SAMD5: variants seen among roughly 807,000 people sequenced by gnomAD.
SAMD5 encodes sterile alpha motif domain containing 5.
Under a neutral mutation model 11.3 loss-of-function variants are expected in SAMD5, and 13 were observed. The ratio of observed to expected loss-of-function variants is 1.15; its 90% CI spans 0.75 to 1.83. The LOEUF is 1.83. SAMD5 is among the 40% of genes most tolerant of loss of function. SAMD5 has a pLI of 0.00. For synonymous variants in SAMD5, 129 were observed against 111.3 expected (o/e 1.16, Z -1.00); for missense variants, 255 against 239.1 (o/e 1.07, Z -0.44).
the SAMD5 span, among the ~76,000 whole-genome samples, chr6:147,794,665 G>A: frequency 6.6e-6 from 1 of 151,988 alleles, no homozygotes; most frequent in Non-Finnish European, 1.5e-5. Flanking sequence ...TTGATTATTC[G>A]AGTTCATATG....
the SAMD5 span, among the ~76,000 whole-genome samples, chr6:147,857,855 C>T: frequency 6.6e-6 from 1 of 152,078 alleles, no homozygotes; most frequent in Non-Finnish European, 1.5e-5. Context: ...TTTTGGATAC[C>T]ACTGCCCTTA....
intron 1 of SAMD5, among the ~76,000 whole-genome samples, chr6:147,694,237 A>G (rs71566494): frequency 0.02 from 3,000 of 152,292 alleles, 40 homozygotes; most frequent in Admixed American, 0.03. Context: ...TGTGATAACA[A>G]TTAACCTATC....
intron 1 of SAMD5, among the ~76,000 whole-genome samples, chr6:147,540,120 G>A (rs1583073940): frequency 6.6e-6 from 1 of 151,906 alleles, no homozygotes; most frequent in South Asian, 2.1e-4. Flanking sequence ...GATTTAGAAT[G>A]TCCCCCAGGG....
the SAMD5 span, among the ~76,000 whole-genome samples, chr6:147,951,306 C>A: frequency 6.6e-6 from 1 of 151,928 alleles, no homozygotes; most frequent in Non-Finnish European, 1.5e-5. Flanking sequence ...CTCAGCCTCC[C>A]ACGTAGCTGG....
At chr6:147,808,358 C>T in the SAMD5 span, among the ~76,000 whole-genome samples, 1 of 152,266 alleles carries the variant, frequency 6.6e-6, no homozygotes, top group Non-Finnish European at 1.5e-5. Flanking sequence ...GCTGCCATGC[C>T]TAGCTAATTT....
At chr6:147,674,495 T>C (rs996767674) in intron 1 of SAMD5, among the ~76,000 whole-genome samples, 1 of 152,156 alleles carries the variant, frequency 6.6e-6, no homozygotes, top group African/African-American at 2.4e-5. Context: ...GCGGGCATTC[T>C]CTAATCTGAG....
At chr6:147,629,306 C>T (rs921242775) in intron 1 of SAMD5, among the ~76,000 whole-genome samples, 1 of 133,782 alleles carries the variant, frequency 7.5e-6, no homozygotes, top group African/African-American at 2.6e-5. Context: ...AGCAAAGCTC[C>T]ATCCAAAAAA....
rs1239306244 is a variant in SAMD5 at position 147,517,868 on chromosome 6, G to A, written c.459+8481G>A. Among the ~76,000 whole-genome samples the A allele has an allele frequency of 2.6e-5, 4 of 151,350 alleles. 1 individual carries two copies. Among genetic ancestry groups the A allele is most frequent in the Non-Finnish European group, 5.9e-5 (4 of 67,900 alleles). Reference sequence around the variant, plus strand: ...AATGTAATCTTGGCAACAAAATAATGAGGTGTTTTTTTTTTTTGGTATGAC... The same window carrying A: ...AATGTAATCTTGGCAACAAAATAATAAGGTGTTTTTTTTTTTTGGTATGAC... On this transcript the variant is annotated intron_variant, in intron 1 of 1. Coordinates refer to ENST00000367474, the MANE Select transcript of SAMD5 (RefSeq NM_001030060.3).
intron 1 of SAMD5, among the ~76,000 whole-genome samples, chr6:147,685,420 C>T (rs968533340): frequency 2.0e-5 from 3 of 152,164 alleles, no homozygotes; most frequent in African/African-American, 7.2e-5. Context: ...GTAATCCACC[C>T]ACCTCAGCCT....
chr6:147,577,071 A>G (rs1282997489), intron 1 of SAMD5, among the ~76,000 whole-genome samples: 1 of 152,256 alleles, frequency 6.6e-6, no homozygotes, highest in East Asian at 1.9e-4. Flanking sequence ...AGGCAGCTTC[A>G]TACCAATGCC....
the SAMD5 span, among the ~76,000 whole-genome samples, chr6:147,793,283 C>G: frequency 6.6e-6 from 1 of 152,088 alleles, no homozygotes; most frequent in Non-Finnish European, 1.5e-5. Flanking sequence ...TCAGATAAAT[C>G]CCAACTGAGG....
At chr6:147,671,607 G>A (rs1489794270) in intron 1 of SAMD5, among the ~76,000 whole-genome samples, 1 of 152,110 alleles carries the variant, frequency 6.6e-6, no homozygotes, top group Non-Finnish European at 1.5e-5. Flanking sequence ...GTTTCCTAGT[G>A]GGTCTTTGGT....
At chr6:147,534,227 T>C (rs912355779) in intron 1 of SAMD5, among the ~76,000 whole-genome samples, 8 of 152,196 alleles carry the variant, frequency 5.3e-5, no homozygotes, top group African/African-American at 1.9e-4. Context: ...AGCCTGAGTT[T>C]TCTGCTGGGT....
chr6:147,873,015 C>T, the SAMD5 span, among the ~76,000 whole-genome samples: 1 of 152,186 alleles, frequency 6.6e-6, no homozygotes, highest in Non-Finnish European at 1.5e-5. Context: ...CTGAATTGAT[C>T]TATGCCTTGG....
chr6:147,664,587 C>T (rs1218377130), intron 1 of SAMD5, among the ~76,000 whole-genome samples: 3 of 152,114 alleles, frequency 2.0e-5, no homozygotes, highest in African/African-American at 7.2e-5. Context: ...TGCTAATATT[C>T]AGCAAATAAC....
At chr6:147,706,888 A>G (rs1027796720) in intron 1 of SAMD5, among the ~76,000 whole-genome samples, 5 of 152,240 alleles carry the variant, frequency 3.3e-5, no homozygotes, top group African/African-American at 1.2e-4. Context: ...AATCGTCTGC[A>G]TAAATCCATG....
chr6:147,692,281 T>A (rs1194857640), intron 1 of SAMD5: 1 of 152,190 alleles, frequency 6.6e-6, no homozygotes, highest in African/African-American at 2.4e-5. Flanking sequence ...GTGTTGTAAA[T>A]CTTAAATCCC....
downstream of SAMD5, among the ~76,000 whole-genome samples, chr6:147,738,925 C>T (rs1406323689): frequency 6.6e-6 from 1 of 152,204 alleles, no homozygotes; most frequent in Admixed American, 6.5e-5. Context: ...CACACCCCCA[C>T]CCACGAGCAG....
chr6:147,633,629 C>T (rs1040215274), intron 1 of SAMD5, among the ~76,000 whole-genome samples: 1 of 151,620 alleles, frequency 6.6e-6, no homozygotes, highest in Admixed American at 6.6e-5. Context: ...CATACAACAG[C>T]TTCCATGCAA....
Sources: allele counts gnomAD v4.1 joint callset (sites outside exome capture counted in the v4.1 genomes callset), GRCh38; gene constraint gnomAD v4.1.1; transcripts MANE v1.5; gene names NCBI Gene and HGNC (gene_info 2026-07-23, HGNC 2026-07-21).